The following FARP2 variants were observed in gnomAD, a reference collection of about 807,000 sequenced individuals.
The protein encoded by FARP2 is FERM, ARH/RhoGEF and pleckstrin domain protein 2.
A neutral mutation model predicts 130.5 loss-of-function variants in FARP2; 111 were observed. The ratio of observed to expected loss-of-function variants is 0.85; its 90% CI spans 0.73 to 1.00. The LOEUF (loss-of-function observed/expected upper bound fraction) is 1.00, where lower values mean the gene tolerates loss of function less well. FARP2 is among the 50% of genes least tolerant of loss of function. The probability of loss-of-function intolerance (pLI) is 0.00; values close to 1 mark genes in which losing one functional copy is unlikely to be tolerated. For synonymous variants in FARP2, 504 were observed against 516.9 expected (o/e 0.98, Z 0.34); for missense variants, 1,385 against 1,346.3 (o/e 1.03, Z -0.45).
chr2:241,387,710 G>A (rs1225970435), intron 2 of FARP2, among the ~76,000 whole-genome samples: 1 of 150,686 alleles, frequency 6.6e-6, no homozygotes, highest in Admixed American at 6.6e-5. Flanking sequence ...AGAGAATGGC[G>A]TGAACCCGGG....
At chr2:241,385,248 CTT>C (rs1361245896) in intron 2 of FARP2, among the ~76,000 whole-genome samples, 5 of 152,244 alleles carry the variant, frequency 3.3e-5, no homozygotes, top group African/African-American at 7.2e-5. Flanking sequence ...AACTAAAACT[CTT>C]TTATTGCTGT....
At chr2:241,367,076 C>G (rs995877877) in intron 1 of FARP2, among the ~76,000 whole-genome samples, 2 of 152,116 alleles carry the variant, frequency 1.3e-5, no homozygotes, top group African/African-American at 4.8e-5. Flanking sequence ...GTTTGAGGGA[C>G]AGGGTTGCCC....
intron 1 of FARP2, among the ~76,000 whole-genome samples, chr2:241,370,486 G>T (rs968752554): frequency 6.6e-6 from 1 of 152,108 alleles, no homozygotes; most frequent in East Asian, 1.9e-4. Flanking sequence ...CCATCCCGTA[G>T]TGTAGACATA....
rs569838808 is a variant in FARP2 at position 241,440,333 on chromosome 2, C to T, written c.1159-971C>T. Among the ~76,000 whole-genome samples, 121 of 152,268 alleles carry T rather than the reference C, an allele frequency of 7.9e-4. 1 individual carries two copies. The highest frequency in any genetic ancestry group is 7.1e-4 in the Non-Finnish European group (48 of 68,032). ...AGCGTGACTGCATCCCGTGATAGCG[C>T]GCGAGGAGTGACGCTTAGTGAGTAG... On this transcript the variant is annotated intron_variant, in intron 12 of 26. Coordinates refer to ENST00000264042, the MANE Select transcript of FARP2 (RefSeq NM_014808.4).
chr2:241,486,854 G>A (rs905833101), intron 21 of FARP2, among the ~76,000 whole-genome samples: 3 of 152,192 alleles, frequency 2.0e-5, no homozygotes, highest in Non-Finnish European at 4.4e-5. Flanking sequence ...GCAGGAGCTA[G>A]GTCTAAACAT....
At chr2:241,418,668 AATT>A (rs1295805332) in intron 8 of FARP2, among the ~76,000 whole-genome samples, 1 of 152,170 alleles carries the variant, frequency 6.6e-6, no homozygotes, top group Non-Finnish European at 1.5e-5. Flanking sequence ...ATAGGTAAAT[AATT>A]ACATAAATGG....
chr2:241,485,622 A>C (rs1246342114), intron 21 of FARP2, among the ~76,000 whole-genome samples: 10 of 64,602 alleles, frequency 1.5e-4, no homozygotes, highest in African/African-American at 2.5e-4. Flanking sequence ...TCCCTGGGAT[A>C]TTCCCTCCCT....
rs779836683 is a variant in FARP2, at chr2:241,456,875, A to T, written c.1540A>T (p.Ser514Cys). The T allele has an allele frequency of 1.9e-6, 3 of 1,610,930 alleles. No individual in the cohort carries two copies. The East Asian group carries it at 6.7e-5, about 36-fold the overall frequency. ...GSSPLLSPVLSDAGGAGMDCE... is the reference protein window; with the variant it reads ...GSSPLLSPVLCDAGGAGMDCE... ...ATCCCCACTCCTGAGCCCTGTCCTCAGTGATGCTGGCGGAGCCGGGATGGA... is the reference window on the plus strand; with the variant it reads ...ATCCCCACTCCTGAGCCCTGTCCTCTGTGATGCTGGCGGAGCCGGGATGGA... The change falls in exon 14 of 27, where the codon AGT (serine) becomes TGT (cysteine). Residue 514 changes from serine (S) to cysteine (C), a missense_variant. By Grantham distance (112) the Ser-to-Cys change is moderately radical (BLOSUM62 -1). Coordinates refer to ENST00000264042, the MANE Select transcript of FARP2 (RefSeq NM_014808.4).
intron 8 of FARP2, among the ~76,000 whole-genome samples, chr2:241,421,834 G>A (rs368856169): frequency 1.8e-4 from 27 of 152,250 alleles, no homozygotes; most frequent in African/African-American, 6.5e-4. Context: ...GCAACTCCCA[G>A]CAAACTGCAG....
At chr2:241,457,117 C>G (rs889903944) in intron 14 of FARP2, among the ~76,000 whole-genome samples, 195 bp downstream of exon 14, 1 of 152,216 alleles carries the variant, frequency 6.6e-6, no homozygotes, top group Non-Finnish European at 1.5e-5. Flanking sequence ...TGAGACTTTC[C>G]TCTTATCTCT....
At chr2:241,434,500 G>A (rs1279990262) in intron 10 of FARP2, among the ~76,000 whole-genome samples, 179 bp downstream of exon 10, 2 of 152,092 alleles carry the variant, frequency 1.3e-5, no homozygotes, top group South Asian at 2.1e-4. Flanking sequence ...GAAAAAATAC[G>A]CTTAATAAAA....
chr2:241,413,339 C>T lies in FARP2; in HGVS notation c.541C>T (p.Arg181Ter), dbSNP rs772766165. 19 of 1,611,392 alleles carry T rather than the reference C, an allele frequency of 1.2e-5. No homozygotes were observed. The highest frequency in any genetic ancestry group is 2.2e-5 in the East Asian group (1 of 44,886). Reference sequence around the variant, plus strand: ...AGGAGATTACGATGAAACGCTGGACCGAGAGCACCTCAAAGTGAACGAGTA... The same window carrying T: ...AGGAGATTACGATGAAACGCTGGACTGAGAGCACCTCAAAGTGAACGAGTA... ...EIGDYDETLDREHLKVNEYLP... is the reference protein window; with the variant it reads ...EIGDYDETLD Residue 181 changes from arginine to a stop codon, truncating the protein, a stop_gained, in exon 7 of 27, where the codon CGA (arginine) becomes TGA (stop). Coordinates refer to ENST00000264042, the MANE Select transcript of FARP2 (RefSeq NM_014808.4). LOFTEE classifies it high-confidence loss of function.
intron 2 of FARP2, among the ~76,000 whole-genome samples, chr2:241,397,207 A>C (rs1028163560): frequency 6.6e-6 from 1 of 152,164 alleles, no homozygotes; most frequent in African/African-American, 2.4e-5. Context: ...GGGAGGAGGG[A>C]TAGCATTAGG....
chr2:241,370,476 C>T (rs954176663), intron 1 of FARP2, among the ~76,000 whole-genome samples: 22 of 152,040 alleles, frequency 1.4e-4, no homozygotes, highest in African/African-American at 5.1e-4. Context: ...CTCAATTTGG[C>T]CATCCCGTAG....
intron 2 of FARP2, among the ~76,000 whole-genome samples, chr2:241,381,102 G>A (rs1031553745): frequency 1.3e-5 from 2 of 152,092 alleles, no homozygotes; most frequent in Non-Finnish European, 2.9e-5. Flanking sequence ...GCCTCGTGCC[G>A]CTGGTGTTCT....
At chr2:241,440,920 A>T (rs577658579) in intron 12 of FARP2, among the ~76,000 whole-genome samples, 1 of 152,268 alleles carries the variant, frequency 6.6e-6, no homozygotes, top group Non-Finnish European at 1.5e-5. Context: ...GAAGGCGAAG[A>T]TGGGTGGATC....
At chr2:241,454,061 G>A (rs932617433) in intron 13 of FARP2, among the ~76,000 whole-genome samples, 8 of 152,130 alleles carry the variant, frequency 5.3e-5, no homozygotes, top group African/African-American at 1.9e-4. Flanking sequence ...TGGGATTATA[G>A]CCATGAGTCA....
At chr2:241,403,186 T>C (rs1256403202) in intron 2 of FARP2, among the ~76,000 whole-genome samples, 1 of 151,870 alleles carries the variant, frequency 6.6e-6, no homozygotes, top group Non-Finnish European at 1.5e-5. Flanking sequence ...AAATAAAGAC[T>C]CTTAAGACTT....
intron 2 of FARP2, among the ~76,000 whole-genome samples, chr2:241,386,982 T>G (rs1454982474): frequency 1.3e-5 from 2 of 152,268 alleles, no homozygotes; most frequent in Non-Finnish European, 2.9e-5. Context: ...TTGTTTGGAA[T>G]ATACTTGGGA....
Sources: allele counts gnomAD v4.1 joint callset (sites outside exome capture counted in the v4.1 genomes callset), GRCh38; gene constraint gnomAD v4.1.1; transcripts MANE v1.5; gene names NCBI Gene and HGNC (gene_info 2026-07-23, HGNC 2026-07-21).